The following XPR1 variants were observed in gnomAD, a reference collection of about 807,000 sequenced individuals.
XPR1 encodes the protein xenotropic and polytropic retrovirus receptor 1.
In XPR1, 28 loss-of-function variants were observed where a neutral mutation model predicts 87.5. That is an observed-to-expected ratio of 0.32 (90% CI 0.24 to 0.44). The LOEUF (loss-of-function observed/expected upper bound fraction) is 0.44, where lower values mean the gene tolerates loss of function less well. Among genes scored for constraint, XPR1 ranks in the 20% least tolerant of loss-of-function variants. The pLI, the probability that XPR1 is intolerant of heterozygous loss-of-function variation, is 1.00. For synonymous variants in XPR1, 300 were observed against 306.1 expected (o/e 0.98, Z 0.21); for missense variants, 559 against 862.3 (o/e 0.65, Z 4.41).
chr1:180,870,499 C>T (rs1652504413), intron 12 of XPR1, among the ~76,000 whole-genome samples: 1 of 43,574 alleles, frequency 2.3e-5, no homozygotes, highest in Non-Finnish European at 4.6e-5. Context: ...TCTGGGTGCT[C>T]CTGTATTGGG....
chr1:180,791,178 A>C (rs1304969752), intron 3 of XPR1, among the ~76,000 whole-genome samples: 5 of 152,240 alleles, frequency 3.3e-5, no homozygotes, highest in Non-Finnish European at 7.3e-5. Context: ...CTCTAAGCTC[A>C]ATTCTAAATG....
At chr1:180,728,853 T>C (rs1658452826) in intron 2 of XPR1, among the ~76,000 whole-genome samples, 1 of 152,196 alleles carries the variant, frequency 6.6e-6, no homozygotes, top group Non-Finnish European at 1.5e-5. Flanking sequence ...ATTTTCAGGT[T>C]TTTTTTGTGG....
chr1:180,777,433 T>C (rs1462590761), intron 2 of XPR1, among the ~76,000 whole-genome samples: 1 of 152,266 alleles, frequency 6.6e-6, no homozygotes, highest in Non-Finnish European at 1.5e-5. Flanking sequence ...TAAAGTTTTT[T>C]TCCTCAGATA....
rs1207125303 is a variant in XPR1, at chr1:180,762,087, C to T, written c.122-25666C>T. Among the ~76,000 whole-genome samples, 3 of 133,900 alleles carry T rather than the reference C, an allele frequency of 2.2e-5. No homozygotes were observed. The East Asian group carries it at 6.6e-4, about 29-fold the overall frequency. 87.8% of individuals were successfully genotyped at this position (133,900 alleles called of 152,430 possible). On this transcript the variant is annotated intron_variant, in intron 2 of 14. Coordinates refer to ENST00000367590, the MANE Select transcript of XPR1 (RefSeq NM_004736.4). ...ATCGAACACTGAGAACACATGGACA[C>T]AGGAAGGGGATCATCACACTCTGGG...
intron 2 of XPR1, among the ~76,000 whole-genome samples, chr1:180,773,659 T>C (rs572493785): frequency 6.6e-5 from 10 of 152,300 alleles, no homozygotes; most frequent in Non-Finnish European, 1.2e-4. Flanking sequence ...TTCTTATGAG[T>C]CAGTGAATGT....
intron 2 of XPR1, among the ~76,000 whole-genome samples, chr1:180,721,360 C>T (rs927764036): frequency 6.6e-6 from 1 of 152,030 alleles, no homozygotes; most frequent in African/African-American, 2.4e-5. Context: ...ATTTAGCTAA[C>T]AAGTCTGAGA....
At chr1:180,653,609 G>A (rs73049477) in intron 1 of XPR1, among the ~76,000 whole-genome samples, 6,499 of 152,076 alleles carry the variant, frequency 0.043, 489 homozygotes, top group African/African-American at 0.15. Flanking sequence ...CCATATTAAT[G>A]CAATGATTGT....
chr1:180,765,406 A>G (rs1373047158), intron 2 of XPR1, among the ~76,000 whole-genome samples: 4 of 152,118 alleles, frequency 2.6e-5, no homozygotes, highest in Admixed American at 2.6e-4. Context: ...TATGCAAACT[A>G]TTTTCCTTAT....
intron 1 of XPR1, among the ~76,000 whole-genome samples, chr1:180,678,026 A>G (rs1656424142): frequency 1.3e-5 from 2 of 152,256 alleles, no homozygotes. Flanking sequence ...AGAACTACCC[A>G]TAGTACTTAG....
chr1:180,645,992 C>T (rs1180631298), intron 1 of XPR1, among the ~76,000 whole-genome samples: 1 of 152,150 alleles, frequency 6.6e-6, no homozygotes, highest in African/African-American at 2.4e-5. Flanking sequence ...TGGTTGGCAA[C>T]AAAAGTGCAC....
At chr1:180,879,160 T>G (rs1389723835) in intron 13 of XPR1, among the ~76,000 whole-genome samples, 1 of 152,228 alleles carries the variant, frequency 6.6e-6, no homozygotes, top group Non-Finnish European at 1.5e-5. Flanking sequence ...CAGCTCCATC[T>G]TTATAAATAA....
At chr1:180,659,997 AGT>A (rs1383632002) in intron 1 of XPR1, among the ~76,000 whole-genome samples, 1 of 152,104 alleles carries the variant, frequency 6.6e-6, no homozygotes, top group Non-Finnish European at 1.5e-5. Flanking sequence ...ATTGGGTCCC[AGT>A]GTTTTCTTTG....
intron 2 of XPR1, among the ~76,000 whole-genome samples, chr1:180,706,001 C>T (rs1657544158): frequency 6.6e-6 from 1 of 152,112 alleles, no homozygotes; most frequent in Admixed American, 6.5e-5. Flanking sequence ...AGAGAAGCAA[C>T]AAGACGAAAC....
rs546324233 is a variant in XPR1, at chr1:180,655,379, G to A, written c.69+23109G>A. ...ATTCAATGGGTTGCTTTTCAATTCT[G>A]TTGATAGTCTCTCTCTCTCTCTTTT... On this transcript the variant is annotated intron_variant, in intron 1 of 14. Coordinates refer to ENST00000367590, the MANE Select transcript of XPR1 (RefSeq NM_004736.4). Among the ~76,000 whole-genome samples, 99 of 147,738 alleles carry A rather than the reference G, an allele frequency of 6.7e-4. 3 individuals carry two copies. The South Asian group carries it at 0.02, about 30-fold the overall frequency.
At chr1:180,685,653 T>A (rs1403193687) in intron 2 of XPR1, among the ~76,000 whole-genome samples, 3 of 152,182 alleles carry the variant, frequency 2.0e-5, no homozygotes, top group Non-Finnish European at 4.4e-5. Flanking sequence ...GATTATTGCC[T>A]CAATTTCAGA....
chr1:180,762,125 G>T lies in XPR1; in HGVS notation c.122-25628G>T, dbSNP rs536653263. The stretch of plus-strand genomic sequence containing the variant: ...ATCACACTCTGGGGACTGTTGTGGG[G>T]TCGGGGGAGGGGGGAGGGATAGCAT... On this transcript the variant is annotated intron_variant, in intron 2 of 14. Transcript: ENST00000367590. Among the ~76,000 whole-genome samples, 841 of 122,804 alleles carry T rather than the reference G, an allele frequency of 6.8e-3. 7 individuals carry two copies. Among genetic ancestry groups the T allele is most frequent in the Non-Finnish European group, 0.011 (640 of 60,640 alleles). 80.6% of individuals were successfully genotyped at this position (122,804 alleles called of 152,430 possible). A position where few individuals can be genotyped will look rare whatever the true frequency, so the allele number is the denominator to read the frequency against.
intron 2 of XPR1, among the ~76,000 whole-genome samples, chr1:180,748,788 CTG>C: frequency 6.6e-6 from 1 of 152,280 alleles, no homozygotes; most frequent in African/African-American, 2.4e-5. Flanking sequence ...CTTCCCAACT[CTG>C]TATTCAGTGA....
At chr1:180,687,176 A>C (rs1036842627) in intron 2 of XPR1, among the ~76,000 whole-genome samples, 2 of 152,068 alleles carry the variant, frequency 1.3e-5, no homozygotes, top group Non-Finnish European at 2.9e-5. Flanking sequence ...CTCTTATTTT[A>C]CTATTCTGTT....
intron 1 of XPR1, among the ~76,000 whole-genome samples, chr1:180,669,981 A>T (rs1307044752): frequency 6.6e-6 from 1 of 152,156 alleles, no homozygotes. Flanking sequence ...ACTACTGTAA[A>T]TGTTATATTT....
Sources: gnomAD v4.1 joint callset for allele counts (sites outside exome capture counted in the v4.1 genomes callset) on GRCh38, gnomAD v4.1.1 for gene constraint, MANE v1.5 for transcripts, NCBI Gene and HGNC (gene_info 2026-07-23, HGNC 2026-07-21) for gene names.